Variants in CDH17 observed in about 807,000 individuals in gnomAD.
CDH17 encodes cadherin-17.
A neutral mutation model predicts 86.3 loss-of-function variants in CDH17; 67 were observed. That is an observed-to-expected ratio of 0.78 (90% CI 0.64 to 0.95). The LOEUF is 0.95. CDH17 is among the 40% of genes least tolerant of loss of function. The probability of loss-of-function intolerance (pLI) is 0.00; values close to 1 mark genes in which losing one functional copy is unlikely to be tolerated. For missense variants in CDH17, 993 were observed against 1,017.6 expected, an observed-to-expected ratio of 0.98 and a Z score of 0.33; for synonymous variants, 367 against 366.4, an observed-to-expected ratio of 1.00 and a Z score of -0.02.
chr8:94,177,511 G>T, intron 4 of CDH17, 76 bp downstream of exon 4: 1 of 1,478,934 alleles, frequency 6.8e-7, no homozygotes, highest in Non-Finnish European at 9.4e-7. Context: ...AAGGAAGGAA[G>T]GTGCCAGCCA....
chr8:94,148,977 TG>T (rs1177834076), intron 13 of CDH17, 103 bp from the exon 14 acceptor site: 4 of 873,330 alleles, frequency 4.6e-6, no homozygotes, highest in Non-Finnish European at 6.8e-6. Flanking sequence ...CCTTGAAATA[TG>T]TTGTAAATAA....
intron 12 of CDH17, among the ~76,000 whole-genome samples, chr8:94,153,661 C>A (rs1253945794): frequency 3.3e-5 from 5 of 152,176 alleles, no homozygotes; most frequent in African/African-American, 1.2e-4. Context: ...CATACACATA[C>A]ATACACACGC....
chr8:94,137,078 A>C (rs77863001), intron 15 of CDH17, among the ~76,000 whole-genome samples: 2 of 152,280 alleles, frequency 1.3e-5, no homozygotes, highest in African/African-American at 4.8e-5. Flanking sequence ...GGTGTCTCCC[A>C]ATTAGGCTAC....
intron 15 of CDH17, among the ~76,000 whole-genome samples, chr8:94,140,714 T>C (rs1380850716): frequency 6.6e-6 from 1 of 152,164 alleles, no homozygotes; most frequent in Non-Finnish European, 1.5e-5. Flanking sequence ...AATATCAGAA[T>C]GAGGTGATAT....
At chr8:94,131,110 C>G in intron 15 of CDH17, 118 bp from the exon 16 acceptor site, 1 of 662,814 alleles carries the variant, frequency 1.5e-6, no homozygotes, top group Non-Finnish European at 2.7e-6. Flanking sequence ...ATGAGTTAAA[C>G]TGCCCAAAGT....
At chr8:94,168,158 T>TTG (rs71277460) in intron 9 of CDH17, among the ~76,000 whole-genome samples, 7 of 87,194 alleles carry the variant, frequency 8.0e-5, no homozygotes, top group African/African-American at 3.1e-4. Flanking sequence ...ATATATATAT[T>TTG]TGTGTGTGTG....
Position 94,170,454 on chromosome 8 carries a change from G to T in CDH17, c.1009C>A (p.Pro337Thr), listed in dbSNP as rs751015132. Residue 337 changes from proline to threonine, a missense_variant, in exon 9 of 18, where the codon CCA becomes ACA. Physicochemically the swap from Pro to Thr is conservative, Grantham distance 38. Transcript: ENST00000027335. ...HVKVKDINDNPPTCPSPVTVF... is the reference protein window; with the variant it reads ...HVKVKDINDNTPTCPSPVTVF... ...GTTACTGGTGACGGACATGTAGGTGGATTATCATTAATATCTTTAACTTTT... is the reference window on the plus strand; with the variant it reads ...GTTACTGGTGACGGACATGTAGGTGTATTATCATTAATATCTTTAACTTTT... The T allele has an allele frequency of 3.7e-6, 6 of 1,613,664 alleles. No individual in the cohort carries two copies. The African/African-American group carries it at 6.7e-5, about 18-fold the overall frequency.
chr8:94,185,276 T>TACACAC lies in CDH17; in HGVS notation c.150+3905_150+3910dup, dbSNP rs71277462. Among the ~76,000 whole-genome samples the TACACAC allele has an allele frequency of 6.9e-3, 947 of 136,836 alleles. 2 individuals carry two copies. The highest frequency in any genetic ancestry group is 0.02 in the African/African-American group (779 of 38,086). The allele number at this position is 136,836 out of a possible 152,430, so 89.8% of individuals were successfully genotyped here. The stretch of plus-strand genomic sequence containing the variant: ...ATCCCAACCCCACACCCTACCCCAA[T>TACACAC]ACACACACACACACACACACACACA... On this transcript the variant is annotated intron_variant, in intron 3 of 17. Transcript: ENST00000027335.
At chr8:94,182,441 T>C (rs571883141) in intron 3 of CDH17, among the ~76,000 whole-genome samples, 21 of 152,284 alleles carry the variant, frequency 1.4e-4, no homozygotes, top group Admixed American at 9.2e-4. Flanking sequence ...GTGGAAATTA[T>C]ACCAGAATAC....
At position 94,162,431 on chromosome 8, in the gene CDH17, T is replaced by A. The variant is rs1405212089; in HGVS notation, c.1283-269A>T. Among the ~76,000 whole-genome samples, 3 of 152,318 alleles carry A rather than the reference T, an allele frequency of 2.0e-5. No homozygotes were observed. In the East Asian group the frequency reaches 5.8e-4, roughly 29 times the overall value. ...CACCTGCTGTCCTCCTAAGTAAAGT[T>A]AGGTAAGGTTTGTTCCTGAGCAGGA... is the stretch of plus-strand genomic sequence containing the variant. On this transcript the variant is annotated intron_variant, in intron 10 of 17. Coordinates refer to ENST00000027335, the MANE Select transcript of CDH17 (RefSeq NM_004063.4).
At chr8:94,151,467 T>C (rs1812854673) in intron 13 of CDH17, among the ~76,000 whole-genome samples, 1 of 152,204 alleles carries the variant, frequency 6.6e-6, no homozygotes. Flanking sequence ...CCAATTGGGC[T>C]TTGGTCTCTG....
At chr8:94,148,370 T>C (rs1433473624) in intron 14 of CDH17, among the ~76,000 whole-genome samples, 4 of 151,748 alleles carry the variant, frequency 2.6e-5, no homozygotes, top group South Asian at 2.1e-4. Flanking sequence ...GGTGAAACCC[T>C]GTCTCTACTA....
chr8:94,179,216 A>T (rs1813431037), intron 3 of CDH17, among the ~76,000 whole-genome samples: 1 of 152,136 alleles, frequency 6.6e-6, no homozygotes, highest in South Asian at 2.1e-4. Flanking sequence ...GAGAACTATC[A>T]TTATCTATCC....
intron 1 of CDH17, among the ~76,000 whole-genome samples, chr8:94,195,184 G>A (rs754317055): frequency 2.0e-5 from 3 of 152,126 alleles, no homozygotes; most frequent in Admixed American, 1.3e-4. Context: ...TGTATTTTTA[G>A]TAGAGACAGG....
chr8:94,194,077 G>A (rs185678563), intron 2 of CDH17, among the ~76,000 whole-genome samples: 2 of 152,200 alleles, frequency 1.3e-5, no homozygotes, highest in Non-Finnish European at 2.9e-5. Flanking sequence ...TTTACCCCAA[G>A]GTCAAGGGTG....
At chr8:94,154,408 C>T (rs992774212) in intron 12 of CDH17, among the ~76,000 whole-genome samples, 2 of 152,126 alleles carry the variant, frequency 1.3e-5, no homozygotes, top group African/African-American at 2.4e-5. Context: ...GAAATGCTTA[C>T]ATAGAGATTT....
Position 94,170,761 on chromosome 8 carries a change from T to C in CDH17, c.915+93A>G. 2.0e-6 allele frequency: 3 copies of C among 1,474,404 alleles called. No homozygotes were observed. In the South Asian group the frequency reaches 4.1e-5, roughly 20 times the overall value. 91.3% of individuals were successfully genotyped at this position (1,474,404 alleles called of 1,614,324 possible). ...TGCTGGAGTCTGAAATGTGTGTTTT[T>C]TTTTTCTTTAAAGTAAAATCCATTT... On this transcript the variant is annotated intron_variant, in intron 8 of 17. Coordinates refer to ENST00000027335, the MANE Select transcript of CDH17 (RefSeq NM_004063.4).
At chr8:94,166,125 C>T in intron 9 of CDH17, 149 bp from the exon 10 acceptor site, 1 of 620,854 alleles carries the variant, frequency 1.6e-6, no homozygotes, top group Non-Finnish European at 2.8e-6. Context: ...TGGTTCTTCT[C>T]ATCCTATCAT....
At chr8:94,138,484 A>G (rs1293308049) in intron 15 of CDH17, among the ~76,000 whole-genome samples, 1 of 152,168 alleles carries the variant, frequency 6.6e-6, no homozygotes, top group Admixed American at 6.5e-5. Flanking sequence ...GATGTCCCTG[A>G]GTTGAGGTGA....
Sources: gnomAD v4.1 joint callset for allele counts (sites outside exome capture counted in the v4.1 genomes callset) on GRCh38, gnomAD v4.1.1 for gene constraint, MANE v1.5 for transcripts, NCBI Gene and HGNC (gene_info 2026-07-23, HGNC 2026-07-21) for gene names.